ORM1: variants seen among roughly 807,000 people sequenced by gnomAD.
The protein encoded by ORM1 is orosomucoid 1.
ORM1 carries 13 observed loss-of-function variants against 26.9 expected under a neutral mutation model. That is an observed-to-expected ratio of 0.48 (90% CI 0.31 to 0.77). ORM1 has a LOEUF of 0.77. Among genes scored for constraint, ORM1 ranks in the 30% least tolerant of loss-of-function variants. The probability of loss-of-function intolerance (pLI) is 0.04; values close to 1 mark genes in which losing one functional copy is unlikely to be tolerated. For synonymous variants in ORM1, 76 were observed against 102.2 expected (o/e 0.74, Z 1.55); for missense variants, 189 against 246.8 (o/e 0.77, Z 1.57).
chr9:114,325,375 G>A (rs139920377), intron 5 of ORM1: 138,942 of 429,062 alleles, frequency 0.32, 24,990 homozygotes, highest in East Asian at 0.6. Context: ...GGGAGGACCT[G>A]AAAGCTAACA....
At chr9:114,323,378 G>GTGAAA (rs1316335639) in intron 1 of ORM1, 131 bp downstream of exon 1, 2 of 1,551,932 alleles carry the variant, frequency 1.3e-6, no homozygotes. Context: ...GGTCCCCAGG[G>GTGAAA]TGAAATTCTC....
In ORM1 at chr9:114,324,866, C is replaced by G. The variant is rs754187834; in HGVS notation, c.405C>G (p.Asn135Lys). Residue 135 changes from asparagine to lysine, a missense_variant, in exon 4 of 6, where the codon AAC becomes AAG. By Grantham distance (94) the Asn-to-Lys change is moderately conservative. Around this residue, in one of 3 missense-constraint regions of ORM1, gnomAD observed 163 missense variants for 157.7 expected, o/e 1.03. Coordinates refer to ENST00000259396, the MANE Select transcript of ORM1 (RefSeq NM_000607.4). The stretch of plus-strand genomic sequence containing the variant: ...CCTACATGCTTGCTTTTGACGTGAA[C>G]GATGAGAAGAACTGGGGGCTGTCTG... ...TKTYMLAFDVNDEKNWGLSVY... is the reference protein window; with the variant it reads ...TKTYMLAFDVKDEKNWGLSVY... 5 of 1,614,168 alleles carry G rather than the reference C, an allele frequency of 3.1e-6. No individual in the cohort carries two copies. Among genetic ancestry groups the G allele is most frequent in the African/African-American group, 2.7e-5 (2 of 75,060 alleles).
At position 114,324,772 on chromosome 9, in the gene ORM1, G is replaced by T. The variant is rs761414213; in HGVS notation, c.329-18G>T. On this transcript the variant is annotated intron_variant, in intron 3 of 5. Transcript: ENST00000259396. ...TGCCATCCCATGTTCTCACCCAGAGGCTCCTTTTCTCTTCCAGTGGGAGGC... is the reference window on the plus strand; with the variant it reads ...TGCCATCCCATGTTCTCACCCAGAGTCTCCTTTTCTCTTCCAGTGGGAGGC... The T allele has an allele frequency of 1.3e-6, 2 of 1,597,794 alleles. No homozygotes were observed. The highest frequency in any genetic ancestry group is 1.3e-5 in the African/African-American group (1 of 74,568).
In ORM1 at chr9:114,323,273, T is replaced by C. The variant is rs775733837; in HGVS notation, c.114+26T>C. ...GTGAGTGCCTGGGCTAGCCCTGTCCTGAGCACATGGGCAGCTGCCTCCCTT... is the reference window on the plus strand; with the variant it reads ...GTGAGTGCCTGGGCTAGCCCTGTCCCGAGCACATGGGCAGCTGCCTCCCTT... On this transcript the variant is annotated intron_variant, in intron 1 of 5. Coordinates refer to ENST00000259396, the MANE Select transcript of ORM1 (RefSeq NM_000607.4). 6 of 1,611,686 alleles carry C rather than the reference T, an allele frequency of 3.7e-6. No homozygotes were observed. In the South Asian group the frequency reaches 6.6e-5, roughly 18 times the overall value.
rs766025569 is a variant in ORM1, at chr9:114,323,250, G to A, written c.114+3G>A. On this transcript the variant is annotated splice_donor_region_variant and intron_variant, in intron 1 of 5. Coordinates refer to ENST00000259396, the MANE Select transcript of ORM1 (RefSeq NM_000607.4). ...TCACCAACGCCACCCTGGACCGGGTGAGTGCCTGGGCTAGCCCTGTCCTGA... is the reference window on the plus strand; with the variant it reads ...TCACCAACGCCACCCTGGACCGGGTAAGTGCCTGGGCTAGCCCTGTCCTGA... 15 of 1,598,008 alleles carry A rather than the reference G, an allele frequency of 9.4e-6. No homozygotes were observed. Among genetic ancestry groups the A allele is most frequent in the African/African-American group, 2.7e-5 (2 of 74,552 alleles).
chr9:114,323,408 G>A (rs1387071328), intron 1 of ORM1, 161 bp downstream of exon 1: 1 of 895,528 alleles, frequency 1.1e-6, no homozygotes, highest in East Asian at 2.7e-5. Context: ...GGGGACTCTG[G>A]AGGCACCCCC....
At chr9:114,325,670 G>A (rs1319368332) in intron 5 of ORM1, among the ~76,000 whole-genome samples, 17 of 152,302 alleles carry the variant, frequency 1.1e-4, no homozygotes, top group African/African-American at 2.2e-4. Context: ...GAAGACTTGC[G>A]TTGGTGTGGC....
chr9:114,323,728 G>C lies in ORM1; in HGVS notation c.180G>C (p.Gln60His), dbSNP rs750214969. The C allele has an allele frequency of 1.2e-5, 20 of 1,613,882 alleles. No individual in the cohort carries two copies. In the Admixed American group the frequency reaches 2.0e-4, roughly 16 times the overall value. ...ACGAGGAGTACAATAAGTCGGTTCA[G>C]GAGATCCAAGCAACCTTCTTTTACT... ...FRNEEYNKSV[Q>H]EIQATFFYFT... Residue 60 changes from glutamine to histidine, a missense_variant, in exon 2 of 6, where the codon CAG becomes CAC. Around this residue, in one of 3 missense-constraint regions of ORM1, gnomAD observed 163 missense variants for 157.7 expected, o/e 1.03. Transcript: ENST00000259396.
At chr9:114,324,649 G>C (rs1169194681) in intron 3 of ORM1, 141 bp from the exon 4 acceptor site, 2 of 725,732 alleles carry the variant, frequency 2.8e-6, no homozygotes, top group Non-Finnish European at 4.5e-6. Context: ...AGCAGGGGCT[G>C]GGCACACGGT....
At chr9:114,323,935 ACT>A in intron 2 of ORM1, 81 bp from the exon 3 acceptor site, 1 of 1,598,548 alleles carries the variant, frequency 6.3e-7, no homozygotes, top group Non-Finnish European at 8.6e-7. Flanking sequence ...TCTCCACCAG[ACT>A]CTTGCCCCAG....
rs192594929 is a variant in ORM1, at chr9:114,325,864, G to A, written c.541-428G>A. Among the ~76,000 whole-genome samples, 7 of 152,226 alleles carry A rather than the reference G, an allele frequency of 4.6e-5. No individual in the cohort carries two copies. In the East Asian group the frequency reaches 1.4e-3, roughly 29 times the overall value. On this transcript the variant is annotated intron_variant, in intron 5 of 5. Coordinates refer to ENST00000259396, the MANE Select transcript of ORM1 (RefSeq NM_000607.4). ...CTGCAGTCCCAGGATCCTGGGACAG[G>A]GCTTATGAACACAACCACTGTAGTC...
chr9:114,323,207 A>G lies in ORM1; in HGVS notation c.74A>G (p.Asn25Ser). Reference sequence around the variant, plus strand: ...GAAGCCCAGATCCCATTGTGTGCCAACCTAGTACCGGTGCCCATCACCAAC... The same window carrying G: ...GAAGCCCAGATCCCATTGTGTGCCAGCCTAGTACCGGTGCCCATCACCAAC... ...LLEAQIPLCA[N>S]LVPVPITNAT... Residue 25 changes from asparagine (N) to serine (S), a missense_variant, in exon 1 of 6, where the codon AAC (asparagine) becomes AGC (serine). Transcript: ENST00000259396. The G allele has an allele frequency of 6.3e-7, 1 of 1,596,690 alleles. No individual in the cohort carries two copies. The highest frequency in any genetic ancestry group is 8.5e-7 in the Non-Finnish European group (1 of 1,170,080).
chr9:114,324,074 C>A lies in ORM1; in HGVS notation c.314C>A (p.Thr105Asn). 1 of 1,614,040 alleles carries A rather than the reference C, an allele frequency of 6.2e-7. No individual in the cohort carries two copies. The highest frequency in any genetic ancestry group is 8.5e-7 in the Non-Finnish European group (1 of 1,179,976). Reference protein sequence around the residue: ...TYLNVQRENGTISRYVGGQEH... With the variant: ...TYLNVQRENGNISRYVGGQEH... ...CTGAATGTCCAGCGGGAAAATGGGA[C>A]CATCTCCAGATACGGTGAGGGCCAG... is the stretch of plus-strand genomic sequence containing the variant. Residue 105 changes from threonine to asparagine, a missense_variant, in exon 3 of 6, where the codon ACC becomes AAC. Coordinates refer to ENST00000259396, the MANE Select transcript of ORM1 (RefSeq NM_000607.4).
At chr9:114,325,416 G>T (rs2131725177) in intron 5 of ORM1, among the ~76,000 whole-genome samples, 1 of 151,876 alleles carries the variant, frequency 6.6e-6, no homozygotes, top group East Asian at 1.9e-4. Context: ...CGGGGTTGGG[G>T]GATTGGCAAT....
Position 114,324,899 on chromosome 9 carries a change from T to C in ORM1, c.436+2T>C. On this transcript the variant is annotated splice_donor_variant, in intron 4 of 5. Transcript: ENST00000259396. LOFTEE classifies it high-confidence loss of function. ...AGAACTGGGGGCTGTCTGTCTATGG[T>C]AGGCATGCTTAGCAGCCCCAAACTC... is the stretch of plus-strand genomic sequence containing the variant. The C allele has an allele frequency of 6.2e-7, 1 of 1,613,054 alleles. No homozygotes were observed. Among genetic ancestry groups the C allele is most frequent in the Non-Finnish European group, 8.5e-7 (1 of 1,179,038 alleles).
chr9:114,325,656 T>C (rs979841763), intron 5 of ORM1, among the ~76,000 whole-genome samples: 8 of 152,216 alleles, frequency 5.3e-5, no homozygotes, highest in African/African-American at 1.9e-4. Flanking sequence ...TAAACCTGTG[T>C]TTGGAAGACT....
At chr9:114,324,712 C>CCTAG in intron 3 of ORM1, 78 bp from the exon 4 acceptor site, 2 of 1,205,986 alleles carry the variant, frequency 1.7e-6, no homozygotes, top group South Asian at 2.7e-5. Context: ...CACTGACACA[C>CCTAG]CTAGGCCTCC....
At position 114,325,854 on chromosome 9, in the gene ORM1, C is replaced by G. The variant is rs115455945; in HGVS notation, c.541-438C>G. The stretch of plus-strand genomic sequence containing the variant: ...CTGCCCCCATCTGCAGTCCCAGGAT[C>G]CTGGGACAGGGCTTATGAACACAAC... On this transcript the variant is annotated intron_variant, in intron 5 of 5. Transcript: ENST00000259396. Among the ~76,000 whole-genome samples the G allele has an allele frequency of 6.0e-3, 909 of 152,170 alleles. 10 individuals are homozygous for G. The highest frequency in any genetic ancestry group is 9.7e-3 in the Non-Finnish European group (660 of 67,938).
intron 5 of ORM1, among the ~76,000 whole-genome samples, chr9:114,325,417 G>T (rs1411296350): frequency 1.3e-5 from 2 of 151,820 alleles, no homozygotes; most frequent in Admixed American, 6.6e-5. Context: ...GGGGTTGGGG[G>T]ATTGGCAATT....
Sources: allele counts gnomAD v4.1 joint callset (sites outside exome capture counted in the v4.1 genomes callset), GRCh38; gene constraint gnomAD v4.1.1; regional missense constraint gnomAD v4.1.1; transcripts MANE v1.5; gene names NCBI Gene and HGNC (gene_info 2026-07-23, HGNC 2026-07-21).